Variants in RTN4 observed in about 807,000 individuals in gnomAD.
RTN4 encodes reticulon-4.
RTN4 carries 32 observed loss-of-function variants against 90.4 expected under a neutral mutation model. The observed-to-expected ratio is 0.35, with a 90% CI of 0.27 to 0.48. The LOEUF is 0.48. RTN4 is among the 20% of genes least tolerant of loss of function. The pLI, the probability that RTN4 is intolerant of heterozygous loss-of-function variation, is 0.99. For missense variants in RTN4, 1,706 were observed against 1,430.2 expected, an observed-to-expected ratio of 1.19 and a Z score of -3.11; for synonymous variants, 629 against 552.5, an observed-to-expected ratio of 1.14 and a Z score of -1.94.
intron 1 of RTN4, among the ~76,000 whole-genome samples, chr2:55,105,442 C>G (rs1412599831): frequency 1.3e-5 from 2 of 151,936 alleles, no homozygotes; most frequent in Non-Finnish European, 2.9e-5. Flanking sequence ...GTTGGCCATG[C>G]TGGTCTCAAA....
chr2:55,053,696 C>CAA (rs66792666), upstream of RTN4, among the ~76,000 whole-genome samples: 669 of 142,218 alleles, frequency 4.7e-3, 2 homozygotes, highest in African/African-American at 0.013. Flanking sequence ...CAAAAAAAAA[C>CAA]AAAAAAAAAA....
Position 54,973,788 on chromosome 2 carries a change from T to TA in RTN4, c.3477+32dup, listed in dbSNP as rs774992443. The TA allele has an allele frequency of 1.4e-5, 22 of 1,598,648 alleles. No individual in the cohort carries two copies. The East Asian group carries it at 4.9e-4, about 36-fold the overall frequency. ...ATCCCATGTAATAGAGTGAGTGCTC[T>TA]ATTCTGAAGTCAGCAGTTAGTTAGG... is the stretch of plus-strand genomic sequence containing the variant. On this transcript the variant is annotated intron_variant, in intron 7 of 8. Transcript: ENST00000337526.
the RTN4 span, among the ~76,000 whole-genome samples, chr2:55,132,893 G>GT: frequency 7.3e-4 from 57 of 77,840 alleles, no homozygotes; most frequent in African/African-American, 2.7e-3. Flanking sequence ...CAGTTTTGTT[G>GT]TTGTTTTTTT....
At chr2:55,063,738 G>T (rs574954143) in intron 2 of RTN4, among the ~76,000 whole-genome samples, 1 of 151,934 alleles carries the variant, frequency 6.6e-6, no homozygotes, top group South Asian at 2.1e-4. Flanking sequence ...AAAATCAGCC[G>T]GGCGTGGTGG....
At chr2:55,125,523 T>C in the RTN4 span, among the ~76,000 whole-genome samples, 9 of 152,224 alleles carry the variant, frequency 5.9e-5, no homozygotes, top group Non-Finnish European at 1.0e-4. Flanking sequence ...CCCAACACTC[T>C]GGGAGGCCAA....
intron 1 of RTN4, chr2:55,046,873 G>C (rs1030382866): frequency 6.6e-6 from 1 of 152,126 alleles, no homozygotes; most frequent in Non-Finnish European, 1.5e-5. Flanking sequence ...GAACTCTGTA[G>C]AACAGGCAAT....
At chr2:55,104,494 G>A (rs1450760759) in intron 1 of RTN4, among the ~76,000 whole-genome samples, 3 of 151,918 alleles carry the variant, frequency 2.0e-5, no homozygotes, top group Non-Finnish European at 2.9e-5. Context: ...GGGACTACAG[G>A]CGCATGCCAC....
chr2:55,000,991 A>G (rs952023690), intron 3 of RTN4, among the ~76,000 whole-genome samples: 1 of 152,180 alleles, frequency 6.6e-6, no homozygotes, highest in Admixed American at 6.5e-5. Context: ...TATACTATAA[A>G]TAACAATCTA....
chr2:55,023,252 T>C (rs1354171539), intron 3 of RTN4, among the ~76,000 whole-genome samples: 1 of 152,122 alleles, frequency 6.6e-6, no homozygotes, highest in Non-Finnish European at 1.5e-5. Context: ...CATACCTAGG[T>C]TGTTTGGCAC....
chr2:55,055,344 T>C (rs1462753807), upstream of RTN4, among the ~76,000 whole-genome samples: 1 of 152,008 alleles, frequency 6.6e-6, no homozygotes, highest in Non-Finnish European at 1.5e-5. Context: ...AACAACTCAT[T>C]CTAATATATA....
intron 1 of RTN4, among the ~76,000 whole-genome samples, chr2:55,100,972 C>G (rs1313562460): frequency 6.6e-6 from 1 of 151,186 alleles, no homozygotes; most frequent in African/African-American, 2.4e-5. Flanking sequence ...ATTTTAATCA[C>G]ATATTTGTCA....
intron 3 of RTN4, among the ~76,000 whole-genome samples, chr2:55,015,730 A>G (rs1316350788): frequency 6.6e-6 from 1 of 152,258 alleles, no homozygotes; most frequent in African/African-American, 2.4e-5. Context: ...GGAACGAGTC[A>G]TAGTAGATAA....
chr2:55,111,274 A>G (rs1668034127), intron 1 of RTN4, among the ~76,000 whole-genome samples: 1 of 152,106 alleles, frequency 6.6e-6, no homozygotes, highest in Admixed American at 6.5e-5. Flanking sequence ...CTCTTCCGAG[A>G]TTTTAAAAAC....
chr2:55,045,517 T>C (rs772966747), intron 1 of RTN4, among the ~76,000 whole-genome samples: 1 of 152,222 alleles, frequency 6.6e-6, no homozygotes, highest in African/African-American at 2.4e-5. Flanking sequence ...CCACCTATCT[T>C]GAATATTGTC....
At chr2:55,085,303 A>C (rs952110539) in intron 1 of RTN4, among the ~76,000 whole-genome samples, 1 of 150,348 alleles carries the variant, frequency 6.7e-6, no homozygotes, top group Non-Finnish European at 1.5e-5. Flanking sequence ...GTGTGTATAT[A>C]TACATATACA....
chr2:55,133,969 G>A, the RTN4 span, among the ~76,000 whole-genome samples: 1 of 152,128 alleles, frequency 6.6e-6, no homozygotes, highest in Non-Finnish European at 1.5e-5. Context: ...CTATTTTGAT[G>A]GTGATTTCTT....
Position 55,026,133 on chromosome 2 carries a change from G to A in RTN4, c.1966C>T (p.Pro656Ser), listed in dbSNP as rs764774320. The change falls in exon 3 of 9, where the codon CCC (proline) becomes TCC (serine). Residue 656 changes from proline to serine, a missense_variant. By Grantham distance (74) the Pro-to-Ser change is moderately conservative. Transcript: ENST00000337526. ...YESIKHEPEN[P>S]PPYEEAMSVS... Reference sequence around the variant, plus strand: ...CTCATGGCCTCTTCATATGGTGGGGGGTTTTCAGGCTCATGTTTTATGCTT... The same window carrying A: ...CTCATGGCCTCTTCATATGGTGGGGAGTTTTCAGGCTCATGTTTTATGCTT... 26 of 1,613,234 alleles carry A rather than the reference G, an allele frequency of 1.6e-5. No individual in the cohort carries two copies. Among genetic ancestry groups the A allele is most frequent in the Admixed American group, 6.7e-5 (4 of 59,822 alleles).
intron 1 of RTN4, among the ~76,000 whole-genome samples, chr2:55,089,830 C>G (rs1328536141): frequency 6.6e-6 from 1 of 152,144 alleles, no homozygotes; most frequent in African/African-American, 2.4e-5. Flanking sequence ...TGTCACTGGC[C>G]TCTCCAGGCA....
chr2:55,128,581 T>C, the RTN4 span, among the ~76,000 whole-genome samples: 1 of 151,926 alleles, frequency 6.6e-6, no homozygotes, highest in Non-Finnish European at 1.5e-5. Flanking sequence ...TTTATAACCA[T>C]GGGATAAGGA....
Sources: allele counts gnomAD v4.1 joint callset (sites outside exome capture counted in the v4.1 genomes callset), GRCh38; gene constraint gnomAD v4.1.1; transcripts MANE v1.5; gene names NCBI Gene and HGNC (gene_info 2026-07-23, HGNC 2026-07-21).